Variants in SSH2 observed in about 807,000 individuals in gnomAD.
SSH2 encodes the protein protein phosphatase Slingshot homolog 2.
A neutral mutation model predicts 135.2 loss-of-function variants in SSH2; 37 were observed. That is an observed-to-expected ratio of 0.27 (90% CI 0.21 to 0.36). SSH2 has a LOEUF of 0.36. Ranked by LOEUF, SSH2 falls within the 10% of genes least tolerant of loss-of-function variation. The probability of loss-of-function intolerance (pLI) is 1.00; values close to 1 mark genes in which losing one functional copy is unlikely to be tolerated. For missense variants in SSH2, 1,408 were observed against 1,765.3 expected, an observed-to-expected ratio of 0.80 and a Z score of 3.63; for synonymous variants, 628 against 646.2, an observed-to-expected ratio of 0.97 and a Z score of 0.43.
intron 1 of SSH2, among the ~76,000 whole-genome samples, chr17:29,873,651 G>GC (rs1287071777): frequency 6.6e-6 from 1 of 152,072 alleles, no homozygotes; most frequent in Admixed American, 6.5e-5. Flanking sequence ...GAAAGGTTGA[G>GC]CTGTAGCATT....
chr17:29,900,182 A>G (rs1423888157), intron 1 of SSH2, among the ~76,000 whole-genome samples: 2 of 152,272 alleles, frequency 1.3e-5, no homozygotes, highest in South Asian at 4.1e-4. Context: ...AAAAACCGTC[A>G]AAGAAAACCT....
Position 29,913,347 on chromosome 17 carries a change from A to ATTATATATATAT in SSH2, c.63+16590_63+16591insATATATATATAA, listed in dbSNP as rs1429739888. Among the ~76,000 whole-genome samples, 9 of 28,786 alleles carry ATTATATATATAT rather than the reference A, an allele frequency of 3.1e-4. 1 individual carries two copies. The highest frequency in any genetic ancestry group is 4.7e-4 in the Non-Finnish European group (8 of 16,996). The allele number at this position is 28,786 out of a possible 152,430, so 18.9% of individuals were successfully genotyped here. A position where few individuals can be genotyped will look rare whatever the true frequency, so the allele number is the denominator to read the frequency against. On this transcript the variant is annotated intron_variant, in intron 1 of 15. Transcript: ENST00000540801. ...AAAAAAAAAAAAAAAAAAAAAAAAA[A>ATTATATATATAT]ATATATATATATATATATATATATA... is the stretch of plus-strand genomic sequence containing the variant.
chr17:29,732,592 T>C (rs1337096798), intron 3 of SSH2, among the ~76,000 whole-genome samples: 1 of 152,212 alleles, frequency 6.6e-6, no homozygotes, highest in African/African-American at 2.4e-5. Context: ...ATTCTAACAG[T>C]AGAAATGGAG....
intron 3 of SSH2, among the ~76,000 whole-genome samples, chr17:29,750,502 T>C (rs889948582): frequency 6.6e-6 from 1 of 151,184 alleles, no homozygotes; most frequent in African/African-American, 2.4e-5. Context: ...TGTACAAATA[T>C]ACAAAAATAT....
Position 29,888,430 on chromosome 17 carries a change from G to A in SSH2, c.64-39501C>T, listed in dbSNP as rs141554205. 3.9e-5 allele frequency among the ~76,000 whole-genome samples: 6 copies of A among 152,244 alleles called. No individual in the cohort carries two copies. The East Asian group carries it at 1.2e-3, about 29-fold the overall frequency. The stretch of plus-strand genomic sequence containing the variant: ...GCATTCAGTGTATTTCTTTCCCACT[G>A]AAATCCCAAGAAAGCAGAGTTGGAG... On this transcript the variant is annotated intron_variant, in intron 1 of 15. Coordinates refer to ENST00000540801, the MANE Select transcript of SSH2 (RefSeq NM_001282129.2).
intron 2 of SSH2, among the ~76,000 whole-genome samples, chr17:29,801,566 C>T (rs2151314116): frequency 6.6e-6 from 1 of 152,292 alleles, no homozygotes; most frequent in Non-Finnish European, 1.5e-5. Context: ...TCTTTTATCA[C>T]CTGACTGATG....
chr17:29,763,051 G>A (rs1226383926), intron 3 of SSH2, among the ~76,000 whole-genome samples: 1 of 152,142 alleles, frequency 6.6e-6, no homozygotes, highest in Non-Finnish European at 1.5e-5. Flanking sequence ...TTTTCCCATT[G>A]GAAAGTTTGG....
chr17:29,660,455 T>C (rs770277652), intron 11 of SSH2, among the ~76,000 whole-genome samples: 16 of 151,534 alleles, frequency 1.1e-4, no homozygotes, highest in Non-Finnish European at 1.6e-4. Context: ...TTAGTAGAGA[T>C]GGAGTTTCAC....
At chr17:29,793,636 T>A in intron 3 of SSH2, 1 of 304,130 alleles carries the variant, frequency 3.3e-6, no homozygotes. Flanking sequence ...CTCTTACTCT[T>A]TTTTTTTTTA....
At chr17:29,653,750 C>T (rs2036675500) in intron 12 of SSH2, among the ~76,000 whole-genome samples, 1 of 152,074 alleles carries the variant, frequency 6.6e-6, no homozygotes, top group African/African-American at 2.4e-5. Flanking sequence ...TCACACCTAG[C>T]TAATTTTTTG....
At chr17:29,728,225 C>T (rs774493158) in intron 3 of SSH2, among the ~76,000 whole-genome samples, 5 of 152,192 alleles carry the variant, frequency 3.3e-5, no homozygotes, top group East Asian at 3.9e-4. Context: ...GATACATAAT[C>T]GGCATACAAA....
chr17:29,853,253 ATTT>A (rs1288310282), intron 1 of SSH2, among the ~76,000 whole-genome samples: 1 of 151,400 alleles, frequency 6.6e-6, no homozygotes, highest in African/African-American at 2.4e-5. Context: ...CGACCGGCTA[ATTT>A]TTTTATTTTT....
intron 2 of SSH2, among the ~76,000 whole-genome samples, chr17:29,829,836 GA>G (rs1457741770): frequency 2.8e-5 from 4 of 144,994 alleles, no homozygotes; most frequent in South Asian, 2.1e-4. Flanking sequence ...TAAAGATCAA[GA>G]TTTTTTTTTT....
intron 1 of SSH2, among the ~76,000 whole-genome samples, chr17:29,868,470 T>C (rs1229028299): frequency 6.6e-6 from 1 of 152,112 alleles, no homozygotes; most frequent in Non-Finnish European, 1.5e-5. Context: ...GGGTGCGGTG[T>C]CTCATGCCTG....
At chr17:29,657,821 C>T (rs1230899860) in intron 11 of SSH2, among the ~76,000 whole-genome samples, 2 of 151,626 alleles carry the variant, frequency 1.3e-5, no homozygotes, top group Non-Finnish European at 2.9e-5. Context: ...GTGATCCTCC[C>T]CACCTTGGCC....
chr17:29,755,993 CG>C (rs2151242138), intron 3 of SSH2, among the ~76,000 whole-genome samples: 1 of 145,436 alleles, frequency 6.9e-6, no homozygotes, highest in Non-Finnish European at 1.5e-5. Flanking sequence ...AGGCTGGGCG[CG>C]GTGGCTCATG....
At chr17:29,713,062 A>G (rs1237376657) in intron 3 of SSH2, among the ~76,000 whole-genome samples, 1 of 152,004 alleles carries the variant, frequency 6.6e-6, no homozygotes, top group African/African-American at 2.4e-5. Flanking sequence ...GAGGCTGGGC[A>G]TGGTGGCTCA....
At chr17:29,868,350 C>T (rs964704898) in intron 1 of SSH2, among the ~76,000 whole-genome samples, 7 of 152,104 alleles carry the variant, frequency 4.6e-5, no homozygotes, top group African/African-American at 1.4e-4. Context: ...CCTTTCTTCT[C>T]GGTCACCCAC....
chr17:29,649,040 C>T (rs2036491624), intron 13 of SSH2, among the ~76,000 whole-genome samples: 1 of 151,946 alleles, frequency 6.6e-6, no homozygotes, highest in African/African-American at 2.4e-5. Flanking sequence ...ACTCAGGAGG[C>T]CGAGGCAGGA....
Sources: allele counts gnomAD v4.1 joint callset (sites outside exome capture counted in the v4.1 genomes callset), GRCh38; gene constraint gnomAD v4.1.1; transcripts MANE v1.5; gene names NCBI Gene and HGNC (gene_info 2026-07-23, HGNC 2026-07-21).